Variants in ROBO2 observed in about 807,000 individuals in gnomAD.
The protein encoded by ROBO2 is roundabout guidance receptor 2.
A neutral mutation model predicts 160.8 loss-of-function variants in ROBO2; 53 were observed. The observed-to-expected ratio is 0.33, with a 90% confidence interval of 0.26 to 0.41. The LOEUF is 0.41. ROBO2 is among the 10% of genes least tolerant of loss of function. ROBO2 has a pLI of 1.00. For missense variants in ROBO2, 1,577 were observed against 1,722.4 expected (o/e 0.92, Z 1.49); for synonymous variants, 664 against 611.7 (o/e 1.09, Z -1.26).
At chr3:76,743,995 G>T (rs1360272180) in intron 2 of ROBO2, among the ~76,000 whole-genome samples, 1 of 152,002 alleles carries the variant, frequency 6.6e-6, no homozygotes. Flanking sequence ...GAAATGGAAA[G>T]GAAATTTATT....
At chr3:76,276,546 T>C (rs1466037087) in intron 2 of ROBO2, among the ~76,000 whole-genome samples, 3 of 152,098 alleles carry the variant, frequency 2.0e-5, no homozygotes, top group Admixed American at 2.0e-4. Context: ...CGTTTCCATA[T>C]TGGAATTGGA....
At chr3:76,801,588 T>TA (rs576360782) in intron 2 of ROBO2, among the ~76,000 whole-genome samples, 1 of 141,700 alleles carries the variant, frequency 7.1e-6, no homozygotes. Flanking sequence ...GTTTTTTTTT[T>TA]AAAAAAAGAA....
At chr3:76,970,999 A>G (rs1300661236) in intron 2 of ROBO2, among the ~76,000 whole-genome samples, 1 of 152,178 alleles carries the variant, frequency 6.6e-6, no homozygotes, top group Non-Finnish European at 1.5e-5. Flanking sequence ...TATTTAGCCT[A>G]TGTGCCAGAA....
intron 2 of ROBO2, among the ~76,000 whole-genome samples, chr3:76,531,542 A>C (rs2082224950): frequency 6.6e-6 from 1 of 151,736 alleles, no homozygotes; most frequent in African/African-American, 2.4e-5. Context: ...ATCATGAAAA[A>C]GGTAAAACAA....
At chr3:77,483,742 A>G (rs2084984352) in intron 4 of ROBO2, among the ~76,000 whole-genome samples, 1 of 147,770 alleles carries the variant, frequency 6.8e-6, no homozygotes, top group Non-Finnish European at 1.5e-5. Context: ...AATATATTAT[A>G]TTTTATTGAT....
chr3:77,174,527 C>G (rs1369008468), intron 2 of ROBO2, among the ~76,000 whole-genome samples: 1 of 151,918 alleles, frequency 6.6e-6, no homozygotes, highest in African/African-American at 2.4e-5. Context: ...CTTTGTCTTT[C>G]TGTCTTAGCA....
intron 2 of ROBO2, among the ~76,000 whole-genome samples, chr3:76,378,258 T>C (rs2076446266): frequency 6.6e-6 from 1 of 152,194 alleles, no homozygotes; most frequent in Admixed American, 6.5e-5. Context: ...ACCTCAACAA[T>C]GGAGACAACT....
At chr3:76,338,833 T>C (rs2074049860) in intron 2 of ROBO2, among the ~76,000 whole-genome samples, 1 of 151,792 alleles carries the variant, frequency 6.6e-6, no homozygotes, top group Admixed American at 6.6e-5. Context: ...ACTGTGTCTT[T>C]CTAAAATCTG....
At chr3:77,297,876 C>T (rs539298808) in intron 2 of ROBO2, among the ~76,000 whole-genome samples, 20 of 152,144 alleles carry the variant, frequency 1.3e-4, no homozygotes, top group African/African-American at 3.4e-4. Flanking sequence ...AGACTTTGTC[C>T]GGGATAGAAG....
chr3:77,101,790 A>C (rs1451241758), intron 2 of ROBO2, among the ~76,000 whole-genome samples: 1 of 152,232 alleles, frequency 6.6e-6, no homozygotes, highest in African/African-American at 2.4e-5. Flanking sequence ...CTGTAATCCC[A>C]GCACTTTGGG....
chr3:76,049,947 A>C (rs1341170272), intron 2 of ROBO2, among the ~76,000 whole-genome samples: 1 of 152,172 alleles, frequency 6.6e-6, no homozygotes, highest in African/African-American at 2.4e-5. Context: ...AAGCATAGCA[A>C]AGCTCTGATT....
intron 2 of ROBO2, among the ~76,000 whole-genome samples, chr3:76,783,361 C>A (rs1457913923): frequency 6.6e-6 from 1 of 150,836 alleles, no homozygotes; most frequent in Non-Finnish European, 1.5e-5. Context: ...TTAACCGTTG[C>A]ATGTTTTCAT....
At chr3:76,858,097 TAGCACTCGCTAGTACACTCCCAGCAC>T (rs1444364211) in intron 2 of ROBO2, among the ~76,000 whole-genome samples, 20 of 151,520 alleles carry the variant, frequency 1.3e-4, no homozygotes, top group Admixed American at 7.4e-4. Context: ...GCTCCCAGCA[TAGCACTCGCTAGTACACTCCCAGCAC>T]AGCACTCGCT....
At chr3:77,180,711 T>C (rs79857036) in intron 2 of ROBO2, among the ~76,000 whole-genome samples, 8,817 of 152,030 alleles carry the variant, frequency 0.058, 274 homozygotes, top group Admixed American at 0.092. Context: ...TTCAATTTTG[T>C]ACTCTGTTTA....
chr3:76,985,397 A>G (rs1415115503), intron 2 of ROBO2, among the ~76,000 whole-genome samples: 1 of 151,672 alleles, frequency 6.6e-6, no homozygotes, highest in Non-Finnish European at 1.5e-5. Context: ...CCTGGCTAAC[A>G]CGGTGAAACC....
intron 24 of ROBO2, among the ~76,000 whole-genome samples, chr3:77,640,282 T>C (rs1480998966): frequency 6.6e-6 from 1 of 151,864 alleles, no homozygotes; most frequent in Non-Finnish European, 1.5e-5. Flanking sequence ...CGGGTAATTG[T>C]TTTTGTATTT....
At chr3:77,354,510 C>T (rs886302775) in intron 2 of ROBO2, among the ~76,000 whole-genome samples, 1 of 152,042 alleles carries the variant, frequency 6.6e-6, no homozygotes, top group Non-Finnish European at 1.5e-5. Context: ...GTGAGTGAGA[C>T]CAAGGCACCT....
intron 2 of ROBO2, among the ~76,000 whole-genome samples, chr3:77,469,494 T>C (rs749703389): frequency 6.6e-6 from 1 of 152,148 alleles, no homozygotes; most frequent in Admixed American, 6.5e-5. Flanking sequence ...GTGGTGTTGG[T>C]AGGGCTAGGG....
chr3:76,676,986 A>G (rs963702923), intron 2 of ROBO2, among the ~76,000 whole-genome samples: 3 of 152,222 alleles, frequency 2.0e-5, no homozygotes, highest in Admixed American at 6.5e-5. Flanking sequence ...ATCATTTAAT[A>G]AAACTCTAAT....
Sources: gnomAD v4.1 joint callset for allele counts (sites outside exome capture counted in the v4.1 genomes callset) on GRCh38, gnomAD v4.1.1 for gene constraint, MANE v1.5 for transcripts, NCBI Gene and HGNC (gene_info 2026-07-23, HGNC 2026-07-21) for gene names.